PLA1A: variants seen among roughly 807,000 people sequenced by gnomAD.
PLA1A encodes phosphatidylserine-specific phospholipase A1alpha.
Under a neutral mutation model 49.4 loss-of-function variants are expected in PLA1A, and 47 were observed. The observed-to-expected ratio is 0.95, with a 90% CI of 0.75 to 1.21. The LOEUF (loss-of-function observed/expected upper bound fraction) is 1.21, where lower values mean the gene tolerates loss of function less well. Among genes scored for constraint, PLA1A ranks in the 50% most tolerant of loss-of-function variants. The pLI is 0.00. For missense variants in PLA1A, 561 were observed against 563.9 expected (o/e 0.99, Z 0.05); for synonymous variants, 224 against 207.9 (o/e 1.08, Z -0.67).
chr3:119,624,787 C>A (rs1436303393), intron 8 of PLA1A, among the ~76,000 whole-genome samples: 4 of 152,164 alleles, frequency 2.6e-5, no homozygotes. Flanking sequence ...CCCGCCACCA[C>A]ACCTGGCTAA....
intron 7 of PLA1A, among the ~76,000 whole-genome samples, 198 bp downstream of exon 7, chr3:119,618,384 A>C (rs1055017136): frequency 2.6e-5 from 4 of 152,040 alleles, no homozygotes; most frequent in African/African-American, 9.7e-5. Flanking sequence ...CTCACTCTCT[A>C]TAGTGTTCCC....
At chr3:119,617,883 G>GA (rs2082871865) in intron 6 of PLA1A, 136 bp from the exon 7 acceptor site, 4 of 604,318 alleles carry the variant, frequency 6.6e-6, no homozygotes, top group Non-Finnish European at 1.1e-5. Flanking sequence ...CTAATATTCT[G>GA]AAAAAGTGAT....
intron 5 of PLA1A, 70 bp downstream of exon 5, chr3:119,613,188 C>T: frequency 3.0e-6 from 3 of 1,007,588 alleles, no homozygotes; most frequent in South Asian, 2.8e-5. Flanking sequence ...TGGCATCTAG[C>T]TCTGTGGCCC....
intron 2 of PLA1A, 48 bp downstream of exon 2, chr3:119,607,023 T>G: frequency 2.1e-6 from 3 of 1,435,290 alleles, no homozygotes; most frequent in Non-Finnish European, 2.9e-6. Flanking sequence ...AATGATCAAG[T>G]AACCATAATA....
chr3:119,618,276 G>A (rs1376374169), intron 7 of PLA1A, 90 bp downstream of exon 7: 9 of 1,114,000 alleles, frequency 8.1e-6, no homozygotes, highest in Non-Finnish European at 1.0e-5. Flanking sequence ...ATGTCCTATG[G>A]TCAAGAATTC....
chr3:119,615,226 C>T (rs2082828621), intron 5 of PLA1A, among the ~76,000 whole-genome samples: 1 of 152,178 alleles, frequency 6.6e-6, no homozygotes, highest in Non-Finnish European at 1.5e-5. Context: ...AAGTCTGCCA[C>T]AGCAGAGGGT....
rs777328820 is a variant in PLA1A at position 119,609,505 on chromosome 3, G to C, written c.491G>C (p.Gly164Ala). ...TCGGAATCCTCAATCCACATCATTG[G>C]TGTTAGCCTGGGGGCCCACGTTGGG... The part of the protein sequence containing the change: ...GVSESSIHII[G>A]VSLGAHVGGM... Residue 164 changes from glycine to alanine, a missense_variant, in exon 4 of 11, where the codon GGT (glycine) becomes GCT (alanine). By Grantham distance (60) the Gly-to-Ala change is moderately conservative. Transcript: ENST00000273371. 7 of 1,613,266 alleles carry C rather than the reference G, an allele frequency of 4.3e-6. No individual in the cohort carries two copies. The highest frequency in any genetic ancestry group is 5.9e-6 in the Non-Finnish European group (7 of 1,179,246).
Position 119,606,759 on chromosome 3 carries a change from T to G in PLA1A, c.74-15T>G. On this transcript the variant is annotated splice_polypyrimidine_tract_variant and intron_variant, in intron 1 of 10. Coordinates refer to ENST00000273371, the MANE Select transcript of PLA1A (RefSeq NM_015900.4). Reference sequence around the variant, plus strand: ...TCACCTTGGATGTTGCTTGTTTTGTTTTGTTTTCCTCCAGGGGATGCACCT... The same window carrying G: ...TCACCTTGGATGTTGCTTGTTTTGTGTTGTTTTCCTCCAGGGGATGCACCT... The G allele has an allele frequency of 6.2e-7, 1 of 1,609,642 alleles. No homozygotes were observed. Among genetic ancestry groups the G allele is most frequent in the South Asian group, 1.1e-5 (1 of 90,958 alleles).
In PLA1A at chr3:119,629,129, G is replaced by T. The variant is rs1161866153; in HGVS notation, c.1287-255G>T. On this transcript the variant is annotated intron_variant, in intron 10 of 10. Coordinates refer to ENST00000273371, the MANE Select transcript of PLA1A (RefSeq NM_015900.4). ...TTTCTCATTGCATATTTTCTCCTCT[G>T]TGGCCTCCACTCCAACTGTGTCATG... Among the ~76,000 whole-genome samples, 3 of 152,134 alleles carry T rather than the reference G, an allele frequency of 2.0e-5. No homozygotes were observed. The East Asian group carries it at 5.8e-4, about 29-fold the overall frequency.
rs1338667205 is a variant in PLA1A, at chr3:119,606,787, T to A, written c.87T>A (p.Pro29=). 1.9e-6 allele frequency: 3 copies of A among 1,613,940 alleles called. No individual in the cohort carries two copies. Among genetic ancestry groups the A allele is most frequent in the Non-Finnish European group, 1.7e-6 (2 of 1,179,838 alleles). Residue 29 remains proline, a synonymous_variant, in exon 2 of 11, where the codon CCT becomes CCA. Transcript: ENST00000273371. ...GTTTTCCTCCAGGGGATGCACCTCC[T>A]ACCCCACAGCCAAAGTGCGCTGACT... is the stretch of plus-strand genomic sequence containing the variant. ...LSVGSSGDAP[P]TPQPKCADFQ...
chr3:119,615,698 C>A lies in PLA1A; in HGVS notation c.665-314C>A, dbSNP rs1414395880. On this transcript the variant is annotated intron_variant, in intron 5 of 10. Transcript: ENST00000273371. The stretch of plus-strand genomic sequence containing the variant: ...GTGTGGTGGCATCCGCCTGTAATCC[C>A]AGCTACTCCTGCTGAGGCAGGAGAA... Among the ~76,000 whole-genome samples, 9 of 152,046 alleles carry A rather than the reference C, an allele frequency of 5.9e-5. No homozygotes were observed. The East Asian group carries it at 1.7e-3, about 29-fold the overall frequency.
chr3:119,611,004 G>T (rs1049110478), intron 4 of PLA1A, among the ~76,000 whole-genome samples: 4 of 152,100 alleles, frequency 2.6e-5, no homozygotes, highest in Admixed American at 6.5e-5. Context: ...GAGAGGTAGG[G>T]GTCCAGTTTC....
chr3:119,602,285 G>A (rs2082627243), intron 1 of PLA1A, among the ~76,000 whole-genome samples: 1 of 152,116 alleles, frequency 6.6e-6, no homozygotes, highest in African/African-American at 2.4e-5. Flanking sequence ...AGACTTTTCT[G>A]AGGGATAGTT....
intron 4 of PLA1A, among the ~76,000 whole-genome samples, chr3:119,610,300 C>G (rs1417584566): frequency 6.6e-6 from 1 of 151,922 alleles, no homozygotes; most frequent in Admixed American, 6.6e-5. Flanking sequence ...GTGCAGGTAT[C>G]CTTTTGGTAG....
intron 1 of PLA1A, among the ~76,000 whole-genome samples, chr3:119,601,971 G>A (rs1185776984): frequency 1.3e-5 from 2 of 151,886 alleles, no homozygotes; most frequent in African/African-American, 4.8e-5. Context: ...TTTTTTTAAT[G>A]TTAAAACAGC....
At chr3:119,603,899 G>A (rs1480537662) in intron 1 of PLA1A, among the ~76,000 whole-genome samples, 1 of 152,192 alleles carries the variant, frequency 6.6e-6, no homozygotes, top group African/African-American at 2.4e-5. Context: ...CAGTTTCCTA[G>A]GACACAGCTC....
At chr3:119,612,754 C>A (rs1483307204) in intron 4 of PLA1A, among the ~76,000 whole-genome samples, 4 of 152,326 alleles carry the variant, frequency 2.6e-5, no homozygotes, top group Middle Eastern at 3.4e-3. Flanking sequence ...TCCCAAAGTG[C>A]TGGGATTACA....
chr3:119,613,310 T>G (rs564375519), intron 5 of PLA1A, among the ~76,000 whole-genome samples, 192 bp downstream of exon 5: 2 of 152,376 alleles, frequency 1.3e-5, no homozygotes, highest in African/African-American at 4.8e-5. Context: ...GGTGAATGGT[T>G]GTATTTTTAG....
At chr3:119,614,824 A>G (rs971015106) in intron 5 of PLA1A, among the ~76,000 whole-genome samples, 1 of 152,070 alleles carries the variant, frequency 6.6e-6, no homozygotes, top group Non-Finnish European at 1.5e-5. Context: ...CAATCAACAC[A>G]TTGAATGAGG....
Sources: allele counts gnomAD v4.1 joint callset (sites outside exome capture counted in the v4.1 genomes callset), GRCh38; gene constraint gnomAD v4.1.1; transcripts MANE v1.5; gene names NCBI Gene and HGNC (gene_info 2026-07-23, HGNC 2026-07-21).